Variants in CEP192 observed in about 807,000 individuals in gnomAD.
The protein encoded by CEP192 is centrosomal protein 192.
CEP192 carries 151 observed loss-of-function variants against 271.8 expected under a neutral mutation model. That is an observed-to-expected ratio of 0.56 (90% CI 0.49 to 0.64). The LOEUF is 0.64. Among genes scored for constraint, CEP192 ranks in the 30% least tolerant of loss-of-function variants. The pLI is 0.00. For missense variants in CEP192, 2,910 were observed against 3,020.5 expected, an observed-to-expected ratio of 0.96 and a Z score of 0.86; for synonymous variants, 995 against 1,076.5, an observed-to-expected ratio of 0.92 and a Z score of 1.48.
At chr18:13,088,698 CTG>C (rs1007089301) in intron 32 of CEP192, 4 of 240,912 alleles carry the variant, frequency 1.7e-5, no homozygotes, top group African/African-American at 9.0e-5. Context: ...TTGTGCTTGA[CTG>C]TTTTTTATTC....
rs148323027 is a variant in CEP192 at position 13,104,544 on chromosome 18, C to T, written c.6952-440C>T. 2.6e-4 allele frequency among the ~76,000 whole-genome samples: 40 copies of T among 152,098 alleles called. No individual in the cohort carries two copies. The East Asian group carries it at 6.7e-3, about 26-fold the overall frequency. ...GGAGGATCGCTTGAGCCCAGGAGGTCGAGGCTGCAGTGAGCTATGATTACG... is the reference window on the plus strand; with the variant it reads ...GGAGGATCGCTTGAGCCCAGGAGGTTGAGGCTGCAGTGAGCTATGATTACG... On this transcript the variant is annotated intron_variant, in intron 39 of 44. Transcript: ENST00000506447.
chr18:13,094,132 A>G (rs111294578), intron 34 of CEP192, among the ~76,000 whole-genome samples: 1 of 152,316 alleles, frequency 6.6e-6, no homozygotes, highest in African/African-American at 2.4e-5. Flanking sequence ...GGCAGTGTAC[A>G]GTGCTGATTT....
rs769260181 is a variant in CEP192, at chr18:13,100,497, CCTGGTGAAACTTCAGGTATTGTATCA to C, written c.6858_6871+12del. The stretch of plus-strand genomic sequence containing the variant: ...GAGTATTACTTTTCCTACAACAGAA[CCTGGTGAAACTTCAGGTATTGTATCA>C]CAAAATTATGTAATTCAAATGTCTG... On this transcript the variant is annotated splice_donor_variant and splice_donor_5th_base_variant and coding_sequence_variant and intron_variant, in exon 38 of 45. Transcript: ENST00000506447. LOFTEE classifies it high-confidence loss of function. 6.2e-7 allele frequency: 1 copy of C among 1,611,972 alleles called. No homozygotes were observed. The highest frequency in any genetic ancestry group is 1.1e-5 in the South Asian group (1 of 91,040).
rs780210599 is a variant in CEP192 at position 13,100,506 on chromosome 18, A to T, written c.6865A>T (p.Thr2289Ser). 2 of 1,607,596 alleles carry T rather than the reference A, an allele frequency of 1.2e-6. No individual in the cohort carries two copies. The change falls in exon 38 of 45, where the codon ACT becomes TCT. Residue 2289 changes from threonine to serine, a missense_variant. Physicochemically the swap from Thr to Ser is moderately conservative, Grantham distance 58. Transcript: ENST00000506447. Reference protein sequence around the residue: ...ITFPTTEPGETSESCLELENH... With the variant: ...ITFPTTEPGESSESCLELENH... The stretch of plus-strand genomic sequence containing the variant: ...TTTTCCTACAACAGAACCTGGTGAA[A>T]CTTCAGGTATTGTATCACAAAATTA...
intron 13 of CEP192, among the ~76,000 whole-genome samples, chr18:13,039,542 G>A (rs188398853): frequency 2.6e-5 from 4 of 152,222 alleles, no homozygotes; most frequent in Admixed American, 2.6e-4. Context: ...TCTGTGTGCA[G>A]GCCTGGAGGT....
At chr18:12,998,171 C>G (rs1473607240) in intron 1 of CEP192, among the ~76,000 whole-genome samples, 2 of 152,188 alleles carry the variant, frequency 1.3e-5, no homozygotes, top group African/African-American at 4.8e-5. Context: ...TTTGAATAGT[C>G]TTCCAGGTTT....
At chr18:13,079,718 A>G (rs1018613741) in intron 30 of CEP192, among the ~76,000 whole-genome samples, 4 of 152,124 alleles carry the variant, frequency 2.6e-5, no homozygotes, top group Admixed American at 6.5e-5. Context: ...GCCCATACCT[A>G]TGTCCTAAAT....
At chr18:13,072,035 ACC>A (rs1344310253) in intron 28 of CEP192, among the ~76,000 whole-genome samples, 1 of 152,192 alleles carries the variant, frequency 6.6e-6, no homozygotes, top group African/African-American at 2.4e-5. Flanking sequence ...CAGTCATTGT[ACC>A]TGTGGAAGGC....
intron 6 of CEP192, among the ~76,000 whole-genome samples, chr18:13,016,562 C>T (rs2034657825): frequency 6.6e-6 from 1 of 152,126 alleles, no homozygotes; most frequent in African/African-American, 2.4e-5. Context: ...TGAATGTATC[C>T]AATCTTTGAT....
chr18:13,069,762 T>C lies in CEP192; in HGVS notation c.5080T>C (p.Ser1694Pro). 2 of 1,589,224 alleles carry C rather than the reference T, an allele frequency of 1.3e-6. No homozygotes were observed. Among genetic ancestry groups the C allele is most frequent in the Non-Finnish European group, 1.7e-6 (2 of 1,158,530 alleles). The change falls in exon 27 of 45, where the codon TCA (serine) becomes CCA (proline). Residue 1694 changes from serine to proline, a missense_variant. Ser to Pro is a moderately conservative substitution (Grantham distance 74). Coordinates refer to ENST00000506447, the MANE Select transcript of CEP192 (RefSeq NM_032142.4). Reference protein sequence around the residue: ...IKVPEQGSHFSVDPKNLLLKP... With the variant: ...IKVPEQGSHFPVDPKNLLLKP... Reference sequence around the variant, plus strand: ...GGTCCCAGAACAAGGAAGTCACTTTTCAGTGGATCCAAAGAATCTACTCCT... The same window carrying C: ...GGTCCCAGAACAAGGAAGTCACTTTCCAGTGGATCCAAAGAATCTACTCCT...
rs751396046 is a variant in CEP192 at position 13,057,717 on chromosome 18, G to C, written c.4241G>C (p.Ser1414Thr). The C allele has an allele frequency of 1.7e-5, 28 of 1,613,564 alleles. No homozygotes were observed. The East Asian group carries it at 2.5e-4, about 14-fold the overall frequency. The change falls in exon 20 of 45, where the codon AGT (serine) becomes ACT (threonine). Residue 1414 changes from serine to threonine, a missense_variant. By Grantham distance (58) the Ser-to-Thr change is moderately conservative. Transcript: ENST00000506447. Reference sequence around the variant, plus strand: ...GTCAGCATTGGGGTCCTCAGCATTAGTGTTAATGGTGAAAAGGTAGCTTTC... The same window carrying C: ...GTCAGCATTGGGGTCCTCAGCATTACTGTTAATGGTGAAAAGGTAGCTTTC... Reference protein sequence around the residue: ...LQVSIGVLSISVNGEKVDLST... With the variant: ...LQVSIGVLSITVNGEKVDLST...
At chr18:13,086,008 T>C (rs1164509889) in intron 30 of CEP192, among the ~76,000 whole-genome samples, 1 of 152,064 alleles carries the variant, frequency 6.6e-6, no homozygotes, top group Non-Finnish European at 1.5e-5. Flanking sequence ...ATTTTCTCGA[T>C]ATTGAGTCCA....
intron 1 of CEP192, among the ~76,000 whole-genome samples, chr18:12,991,839 C>T (rs2032874695): frequency 6.6e-6 from 1 of 152,184 alleles, no homozygotes; most frequent in Admixed American, 6.5e-5. Context: ...GGTGATGTTT[C>T]CTTTATGTGC....
chr18:13,064,135 G>A (rs1360256592), intron 21 of CEP192, among the ~76,000 whole-genome samples: 1 of 151,844 alleles, frequency 6.6e-6, no homozygotes, highest in Non-Finnish European at 1.5e-5. Flanking sequence ...TTTTCTTGTA[G>A]TAGTTTCATA....
In CEP192 at chr18:13,068,191, G is replaced by A. The variant is rs2037815990; in HGVS notation, c.4712G>A (p.Gly1571Asp). 6.2e-7 allele frequency: 1 copy of A among 1,614,258 alleles called. No homozygotes were observed. Among genetic ancestry groups the A allele is most frequent in the Middle Eastern group, 1.6e-4 (1 of 6,062 alleles). ...GCTGATGTGGTCACTCGGCTAGCAG[G>A]CCCTTCTGTGGTCAACCACATGATG... ...PCADVVTRLA[G>D]PSVVNHMMPA... Residue 1571 changes from glycine (G) to aspartate (D), a missense_variant, in exon 23 of 45, where the codon GGC (glycine) becomes GAC (aspartate). Transcript: ENST00000506447.
At chr18:13,010,617 C>T (rs8086911) in intron 4 of CEP192, among the ~76,000 whole-genome samples, 20,705 of 152,094 alleles carry the variant, frequency 0.14, 2,165 homozygotes, top group African/African-American at 0.29. Flanking sequence ...GTGGCCAAGG[C>T]GGGCGGATCA....
chr18:13,092,264 C>T, intron 33 of CEP192, 113 bp from the exon 34 acceptor site: 1 of 704,482 alleles, frequency 1.4e-6, no homozygotes, highest in Non-Finnish European at 2.2e-6. Context: ...AATGTCACCT[C>T]CCCCAACCCA....
chr18:13,053,276 A>G (rs952043589), intron 18 of CEP192, among the ~76,000 whole-genome samples, 186 bp downstream of exon 18: 1 of 152,206 alleles, frequency 6.6e-6, no homozygotes, highest in Non-Finnish European at 1.5e-5. Flanking sequence ...AGAGGTACAA[A>G]CATTTTAGGA....
At chr18:13,090,054 A>G (rs879516603) in intron 33 of CEP192, among the ~76,000 whole-genome samples, 10 of 152,138 alleles carry the variant, frequency 6.6e-5, no homozygotes, top group Non-Finnish European at 1.3e-4. Flanking sequence ...TAATAAGGTG[A>G]CACTAACCTA....
Sources: gnomAD v4.1 joint callset for allele counts (sites outside exome capture counted in the v4.1 genomes callset) on GRCh38, gnomAD v4.1.1 for gene constraint, MANE v1.5 for transcripts, NCBI Gene and HGNC (gene_info 2026-07-23, HGNC 2026-07-21) for gene names.